TRUB2: variants seen among roughly 807,000 people sequenced by gnomAD.
TRUB2 encodes the protein TruB pseudouridine synthase family member 2, also known as pseudouridylate synthase TRUB2, mitochondrial.
Under a neutral mutation model 31.9 loss-of-function variants are expected in TRUB2, and 31 were observed. The ratio of observed to expected loss-of-function variants is 0.97; its 90% CI spans 0.73 to 1.31. The LOEUF (loss-of-function observed/expected upper bound fraction) is 1.31, where lower values mean the gene tolerates loss of function less well. Ranked by LOEUF, TRUB2 falls within the 50% of genes most tolerant of loss-of-function variation. The pLI is 0.00. For missense variants in TRUB2, 451 were observed against 439.6 expected (o/e 1.03, Z -0.23); for synonymous variants, 201 against 182.6 (o/e 1.10, Z -0.81).
intron 2 of TRUB2, among the ~76,000 whole-genome samples, chr9:128,318,239 G>T (rs1223319727): frequency 6.6e-6 from 1 of 152,172 alleles, no homozygotes; most frequent in Non-Finnish European, 1.5e-5. Flanking sequence ...AGCTACTTGG[G>T]AGGCTGAGGC....
At chr9:128,314,935 T>C (rs1160548138) in intron 4 of TRUB2, among the ~76,000 whole-genome samples, 2 of 152,278 alleles carry the variant, frequency 1.3e-5, no homozygotes, top group East Asian at 1.9e-4. Context: ...TTAGGTAATC[T>C]ACCCAAGGAC....
At chr9:128,322,153 T>G in intron 1 of TRUB2, 147 bp downstream of exon 1, 2 of 639,212 alleles carry the variant, frequency 3.1e-6, no homozygotes, top group East Asian at 2.8e-5. Context: ...AAGTGAGGAG[T>G]AAGAAAGCAC....
At chr9:128,318,511 T>G (rs77697161) in intron 2 of TRUB2, among the ~76,000 whole-genome samples, 40,905 of 151,740 alleles carry the variant, frequency 0.27, 9,605 homozygotes, top group African/African-American at 0.64. Flanking sequence ...TGTTTTTTTT[T>G]TGTGTGTGTG....
intron 5 of TRUB2, among the ~76,000 whole-genome samples, chr9:128,312,134 CTTT>C (rs61513949): frequency 3.7e-5 from 4 of 109,372 alleles, no homozygotes; most frequent in Admixed American, 1.0e-4. Flanking sequence ...TGCACCCAGA[CTTT>C]TTTTTTTTTT....
In TRUB2 at chr9:128,309,327, T is replaced by C. The variant is rs1831921118; in HGVS notation, c.*223A>G. 52 of 555,202 alleles carry C rather than the reference T, an allele frequency of 9.4e-5. No individual in the cohort carries two copies. The South Asian group carries it at 1.2e-3, about 13-fold the overall frequency. The allele number at this position is 555,202 out of a possible 1,614,324, so 34.4% of individuals were successfully genotyped here. ...CAAGTGCCCGCCACCACGCCTGGTC[T>C]GCCAATACTTTCTATCAGTCTGTCA... On this transcript the variant is annotated 3_prime_UTR_variant, in exon 8 of 8. Transcript: ENST00000372890.
intron 4 of TRUB2, 148 bp from the exon 5 acceptor site, chr9:128,314,037 G>T (rs1832026613): frequency 3.1e-6 from 2 of 651,208 alleles, no homozygotes; most frequent in East Asian, 2.8e-5. Context: ...ACAGCCCCAG[G>T]AGGAAGGGCA....
intron 5 of TRUB2, among the ~76,000 whole-genome samples, chr9:128,313,211 CGTT>C (rs1832004459): frequency 6.9e-6 from 1 of 144,146 alleles, no homozygotes; most frequent in East Asian, 2.1e-4. Context: ...AGCGAGACAT[CGTT>C]TCAAAAAAAA....
Position 128,308,526 on chromosome 9 carries a change from TCAAAAACAAAAA to T in TRUB2, c.*1012_*1023del. ...TCCAGCCTGGGCCACAAAGCAAGTC[TCAAAAACAAAAA>T]CAAAAACAAAAAAATGATTAACATT... On this transcript the variant is annotated 3_prime_UTR_variant, in exon 8 of 8. Transcript: ENST00000372890. The T allele has an allele frequency of 6.9e-6, 1 of 144,848 alleles. No homozygotes were observed. The highest frequency in any genetic ancestry group is 2.2e-4 in the South Asian group (1 of 4,548). 9.0% of individuals were successfully genotyped at this position (144,848 alleles called of 1,614,324 possible). A position where few individuals can be genotyped will look rare whatever the true frequency, so the allele number is the denominator to read the frequency against.
chr9:128,313,776 G>A (rs1361531928), intron 5 of TRUB2, 32 bp downstream of exon 5: 2 of 1,602,990 alleles, frequency 1.2e-6, no homozygotes, highest in Non-Finnish European at 1.7e-6. Flanking sequence ...CAAATGCGGA[G>A]GGAGGCAGCG....
chr9:128,310,865 C>T (rs754718883), intron 7 of TRUB2, 22 bp downstream of exon 7: 3 of 1,613,734 alleles, frequency 1.9e-6, no homozygotes, highest in Non-Finnish European at 2.5e-6. Context: ...TCTCACTGCT[C>T]CAACTTCCTT....
intron 4 of TRUB2, among the ~76,000 whole-genome samples, chr9:128,314,543 G>A (rs962765057): frequency 3.9e-5 from 6 of 152,004 alleles, no homozygotes; most frequent in South Asian, 2.1e-4. Context: ...AGACAGAGGC[G>A]GGTGGATCGT....
At chr9:128,319,227 G>C (rs1832120565) in intron 2 of TRUB2, among the ~76,000 whole-genome samples, 1 of 151,636 alleles carries the variant, frequency 6.6e-6, no homozygotes, top group Admixed American at 6.6e-5. Context: ...TCGGGAGGCT[G>C]AGGCAGGAGA....
intron 5 of TRUB2, among the ~76,000 whole-genome samples, chr9:128,312,112 G>C (rs1051106747): frequency 2.0e-5 from 3 of 150,690 alleles, no homozygotes; most frequent in Non-Finnish European, 2.9e-5. Flanking sequence ...TGAGATTACA[G>C]GTGTGAGCCA....
At chr9:128,312,115 G>GT (rs1323659608) in intron 5 of TRUB2, among the ~76,000 whole-genome samples, 1 of 149,598 alleles carries the variant, frequency 6.7e-6, no homozygotes, top group African/African-American at 2.5e-5. Flanking sequence ...GATTACAGGT[G>GT]TGAGCCACTG....
At chr9:128,322,258 G>C in intron 1 of TRUB2, 42 bp downstream of exon 1, 1 of 1,549,138 alleles carries the variant, frequency 6.5e-7, no homozygotes, top group Non-Finnish European at 8.9e-7. Context: ...GGACTTCCAA[G>C]AGAACGAGAG....
At chr9:128,322,085 T>C (rs546667534) in intron 1 of TRUB2, among the ~76,000 whole-genome samples, 1 of 152,302 alleles carries the variant, frequency 6.6e-6, no homozygotes, top group South Asian at 2.1e-4. Context: ...CTCTACAACG[T>C]AGTAACCGTG....
intron 7 of TRUB2, among the ~76,000 whole-genome samples, chr9:128,310,078 C>T (rs967722330): frequency 6.6e-6 from 1 of 152,066 alleles, no homozygotes; most frequent in Admixed American, 6.5e-5. Flanking sequence ...CAGGCCCCAC[C>T]GGGACCTGCC....
At position 128,322,423 on chromosome 9, in the gene TRUB2, G is replaced by A; in HGVS notation, c.-15C>T. The A allele has an allele frequency of 6.2e-7, 1 of 1,613,512 alleles. No individual in the cohort carries two copies. Among genetic ancestry groups the A allele is most frequent in the Non-Finnish European group, 8.5e-7 (1 of 1,179,548 alleles). On this transcript the variant is annotated 5_prime_UTR_variant, in exon 1 of 8. Transcript: ENST00000372890. ...GCAGACCCCATACTTGAAGATCACAGCACCCGCTGGACCTGGACGGAAGTA... is the reference window on the plus strand; with the variant it reads ...GCAGACCCCATACTTGAAGATCACAACACCCGCTGGACCTGGACGGAAGTA...
chr9:128,321,810 C>T, intron 1 of TRUB2, 80 bp from the exon 2 acceptor site: 1 of 1,439,986 alleles, frequency 6.9e-7, no homozygotes. Context: ...GACAGGGCCT[C>T]GTTCTGTAGC....
Sources: allele counts gnomAD v4.1 joint callset (sites outside exome capture counted in the v4.1 genomes callset), GRCh38; gene constraint gnomAD v4.1.1; transcripts MANE v1.5; gene names NCBI Gene and HGNC (gene_info 2026-07-23, HGNC 2026-07-21).